The following SGCZ variants were observed in gnomAD, a reference collection of about 807,000 sequenced individuals.
The protein encoded by SGCZ is zeta-sarcoglycan.
A neutral mutation model predicts 41.3 loss-of-function variants in SGCZ; 40 were observed. The observed-to-expected ratio is 0.97, with a 90% CI of 0.75 to 1.26. The LOEUF is 1.26. Among genes scored for constraint, SGCZ ranks in the 50% most tolerant of loss-of-function variants. The pLI is 0.00. For missense variants in SGCZ, 552 were observed against 369.8 expected (o/e 1.49, Z -4.04); for synonymous variants, 206 against 137.5 (o/e 1.50, Z -3.49).
At chr8:15,062,073 GA>G (rs1804959797) in intron 1 of SGCZ, among the ~76,000 whole-genome samples, 1 of 152,104 alleles carries the variant, frequency 6.6e-6, no homozygotes, top group Non-Finnish European at 1.5e-5. Context: ...AACTTTAGTT[GA>G]AAGAGTAAAA....
intron 1 of SGCZ, among the ~76,000 whole-genome samples, chr8:15,215,634 C>T (rs189893105): frequency 7.2e-5 from 11 of 152,230 alleles, no homozygotes; most frequent in Non-Finnish European, 1.0e-4. Context: ...GAAGTAAATA[C>T]AATCTTTCCT....
chr8:14,795,699 G>T (rs537573122), intron 1 of SGCZ, among the ~76,000 whole-genome samples: 1 of 151,878 alleles, frequency 6.6e-6, no homozygotes, highest in Non-Finnish European at 1.5e-5. Context: ...CAAGTTCAGG[G>T]GTACAAGTGC....
At chr8:14,307,832 T>C (rs1801396375) in intron 3 of SGCZ, among the ~76,000 whole-genome samples, 1 of 152,032 alleles carries the variant, frequency 6.6e-6, no homozygotes, top group Non-Finnish European at 1.5e-5. Flanking sequence ...ATGGCAAGGG[T>C]GATTTAGCAA....
intron 5 of SGCZ, among the ~76,000 whole-genome samples, chr8:14,135,666 G>C (rs183601689): frequency 6.6e-6 from 1 of 151,804 alleles, no homozygotes; most frequent in East Asian, 1.9e-4. Flanking sequence ...TAACTGAATT[G>C]CTTCCAAAAA....
intron 1 of SGCZ, among the ~76,000 whole-genome samples, chr8:15,141,895 CAAAA>C (rs10553934): frequency 2.5e-4 from 36 of 144,412 alleles, no homozygotes; most frequent in Non-Finnish European, 2.6e-4. Context: ...GTGAGACTCT[CAAAA>C]AAAAAAAAAA....
chr8:15,121,937 G>C (rs1031125306), intron 1 of SGCZ, among the ~76,000 whole-genome samples: 7 of 151,074 alleles, frequency 4.6e-5, no homozygotes, highest in Non-Finnish European at 1.0e-4. Context: ...AGACATTTTG[G>C]AGAGCCTTTC....
At chr8:14,600,407 T>G (rs369772329) in intron 1 of SGCZ, among the ~76,000 whole-genome samples, 98 of 152,254 alleles carry the variant, frequency 6.4e-4, no homozygotes, top group African/African-American at 2.2e-3. Context: ...GTACTCCACA[T>G]CCTCACTGGA....
chr8:14,343,167 C>T (rs1323236438), intron 2 of SGCZ, among the ~76,000 whole-genome samples: 2 of 152,194 alleles, frequency 1.3e-5, no homozygotes, highest in African/African-American at 4.8e-5. Context: ...ACTTGGATGC[C>T]CAGGCAAAAG....
At chr8:15,043,556 C>G (rs557332562) in intron 1 of SGCZ, among the ~76,000 whole-genome samples, 12 of 152,026 alleles carry the variant, frequency 7.9e-5, no homozygotes, top group Non-Finnish European at 1.5e-5. Context: ...AGAAGAAAGG[C>G]AACATCATTT....
intron 1 of SGCZ, among the ~76,000 whole-genome samples, chr8:14,607,306 G>T (rs751734206): frequency 4.6e-5 from 7 of 152,156 alleles, no homozygotes; most frequent in Non-Finnish European, 7.4e-5. Context: ...CCTTCAGATT[G>T]TACATTTCCA....
intron 2 of SGCZ, among the ~76,000 whole-genome samples, chr8:14,452,121 A>T (rs1800611707): frequency 2.6e-5 from 4 of 152,236 alleles, no homozygotes; most frequent in Admixed American, 2.6e-4. Context: ...GGACACATCC[A>T]AACAATGGAA....
intron 1 of SGCZ, among the ~76,000 whole-genome samples, chr8:15,219,962 G>C (rs1801536811): frequency 6.6e-6 from 1 of 152,124 alleles, no homozygotes; most frequent in African/African-American, 2.4e-5. Context: ...ATAGAGAAAA[G>C]CAGATACTCA....
chr8:14,125,151 G>C (rs10888081), intron 5 of SGCZ, among the ~76,000 whole-genome samples: 146,594 of 152,200 alleles, frequency 0.96, 70,853 homozygotes, highest in East Asian at 1. Flanking sequence ...AGGACACAAA[G>C]AAATGGGAAA....
At chr8:14,858,767 T>A (rs903284246) in intron 1 of SGCZ, among the ~76,000 whole-genome samples, 4 of 152,174 alleles carry the variant, frequency 2.6e-5, no homozygotes, top group Non-Finnish European at 5.9e-5. Flanking sequence ...ACCAATTTTC[T>A]AAGTAGTGAC....
At chr8:14,763,679 G>C (rs984878981) in intron 1 of SGCZ, among the ~76,000 whole-genome samples, 1 of 152,050 alleles carries the variant, frequency 6.6e-6, no homozygotes, top group African/African-American at 2.4e-5. Flanking sequence ...CCATAGAGGA[G>C]GTAGGAAGAA....
intron 3 of SGCZ, among the ~76,000 whole-genome samples, chr8:14,297,047 G>C (rs1801035672): frequency 6.6e-6 from 1 of 151,964 alleles, no homozygotes; most frequent in African/African-American, 2.4e-5. Context: ...TCAGCATCCT[G>C]AGTAGTGAGG....
At chr8:14,384,023 G>T (rs1038267223) in intron 2 of SGCZ, among the ~76,000 whole-genome samples, 2 of 151,058 alleles carry the variant, frequency 1.3e-5, no homozygotes, top group Non-Finnish European at 2.9e-5. Context: ...CAACATGTAG[G>T]TTACACATGT....
intron 1 of SGCZ, among the ~76,000 whole-genome samples, chr8:15,152,697 C>T (rs1037610623): frequency 6.6e-6 from 1 of 152,152 alleles, no homozygotes; most frequent in Admixed American, 6.5e-5. Flanking sequence ...CTTACCTGGT[C>T]GAGAATTTCA....
intron 3 of SGCZ, among the ~76,000 whole-genome samples, chr8:14,297,145 A>T (rs949370131): frequency 5.3e-5 from 8 of 151,928 alleles, no homozygotes; most frequent in Non-Finnish European, 1.0e-4. Flanking sequence ...CTGGTCTCAA[A>T]CTCCTGACCT....
Sources: allele counts gnomAD v4.1 joint callset (sites outside exome capture counted in the v4.1 genomes callset), GRCh38; gene constraint gnomAD v4.1.1; transcripts MANE v1.5; gene names NCBI Gene and HGNC (gene_info 2026-07-23, HGNC 2026-07-21).